Variants in ARHGAP24 observed in about 807,000 individuals in gnomAD.
ARHGAP24 encodes the protein Rho GTPase activating protein 24.
ARHGAP24 carries 50 observed loss-of-function variants against 76.4 expected under a neutral mutation model. The ratio of observed to expected loss-of-function variants is 0.65; its 90% CI spans 0.52 to 0.83. The LOEUF is 0.83. Ranked by LOEUF, ARHGAP24 falls within the 40% of genes least tolerant of loss-of-function variation. The pLI, the probability that ARHGAP24 is intolerant of heterozygous loss-of-function variation, is 0.00. For synonymous variants in ARHGAP24, 345 were observed against 323.3 expected (o/e 1.07, Z -0.72); for missense variants, 930 against 914.2 (o/e 1.02, Z -0.22).
At chr4:85,963,433 A>C (rs558488966) in intron 5 of ARHGAP24, among the ~76,000 whole-genome samples, 2 of 152,074 alleles carry the variant, frequency 1.3e-5, no homozygotes, top group Non-Finnish European at 2.9e-5. Context: ...TAAGGTTTTA[A>C]TTAGGTTTTG....
At chr4:85,993,931 A>C (rs996735822) in intron 8 of ARHGAP24, among the ~76,000 whole-genome samples, 1 of 152,192 alleles carries the variant, frequency 6.6e-6, no homozygotes, top group African/African-American at 2.4e-5. Flanking sequence ...GATTTTTGCT[A>C]GTTGCTTATA....
rs1333998454 is a variant in ARHGAP24, at chr4:85,755,621, C to CTTTTTT, written c.268+33653_268+33654insTTTTTT. On this transcript the variant is annotated intron_variant, in intron 3 of 9. Coordinates refer to ENST00000395184, the MANE Select transcript of ARHGAP24 (RefSeq NM_001025616.3). ...TCTTGTTCTATGGGAAGCTTCTATT[C>CTTTTTT]TTTTGTTTTGTTTTGTTTTGTTTTG... 2.2e-3 allele frequency among the ~76,000 whole-genome samples: 47 copies of CTTTTTT among 21,264 alleles called. 3 individuals are homozygous for CTTTTTT. The Non-Finnish European group carries it at 0.037, about 17-fold the overall frequency. The allele number at this position is 21,264 out of a possible 152,430, so 14.0% of individuals were successfully genotyped here.
intron 3 of ARHGAP24, among the ~76,000 whole-genome samples, chr4:85,912,525 T>G (rs563820850): frequency 6.6e-6 from 1 of 152,334 alleles, no homozygotes; most frequent in East Asian, 1.9e-4. Flanking sequence ...AGCTGTCATT[T>G]GCTGGGTGGA....
intron 3 of ARHGAP24, among the ~76,000 whole-genome samples, chr4:85,769,582 A>G (rs963722396): frequency 1.1e-4 from 16 of 152,034 alleles, no homozygotes; most frequent in African/African-American, 3.9e-4. Flanking sequence ...TGATATCTCG[A>G]TGGATACACA....
At chr4:85,643,234 G>GTGGT (rs1721592505) in intron 2 of ARHGAP24, among the ~76,000 whole-genome samples, 1 of 54,610 alleles carries the variant, frequency 1.8e-5, no homozygotes, top group African/African-American at 5.9e-5. Flanking sequence ...GTTTTTTTGT[G>GTGGT]TTTTTTTTTT....
chr4:85,564,969 T>TATATATATAC (rs1553914961), intron 1 of ARHGAP24, among the ~76,000 whole-genome samples: 3 of 105,364 alleles, frequency 2.8e-5, no homozygotes, highest in Non-Finnish European at 3.9e-5. Flanking sequence ...TATATATATA[T>TATATATATAC]ACCCACACCC....
chr4:85,888,235 T>A (rs1394457957), intron 3 of ARHGAP24, among the ~76,000 whole-genome samples: 3 of 151,974 alleles, frequency 2.0e-5, no homozygotes, highest in Non-Finnish European at 2.9e-5. Flanking sequence ...ACCCCATTTC[T>A]ACTAAAAATA....
intron 3 of ARHGAP24, among the ~76,000 whole-genome samples, chr4:85,840,017 C>CTTT (rs70948759): frequency 2.2e-4 from 25 of 116,046 alleles, no homozygotes; most frequent in Non-Finnish European, 3.0e-4. Context: ...GCCTGGCTAA[C>CTTT]TTTTTTTTTT....
chr4:85,656,935 T>C (rs1337641413), intron 2 of ARHGAP24, among the ~76,000 whole-genome samples: 2 of 144,298 alleles, frequency 1.4e-5, no homozygotes, highest in Non-Finnish European at 3.0e-5. Flanking sequence ...TATTCTTGGC[T>C]GGAGTGTAAG....
chr4:85,991,914 T>G, intron 8 of ARHGAP24: 1 of 378,024 alleles, frequency 2.6e-6, no homozygotes, highest in Non-Finnish European at 4.7e-6. Context: ...ATTTTTGCAT[T>G]TACATATTAT....
intron 3 of ARHGAP24, among the ~76,000 whole-genome samples, chr4:85,854,441 T>C (rs1007074974): frequency 1.3e-5 from 2 of 152,202 alleles, no homozygotes; most frequent in African/African-American, 4.8e-5. Flanking sequence ...GACTAGCACA[T>C]TGTCAATTTG....
At chr4:85,560,918 T>G (rs1254442136) in intron 1 of ARHGAP24, among the ~76,000 whole-genome samples, 1 of 152,214 alleles carries the variant, frequency 6.6e-6, no homozygotes, top group Non-Finnish European at 1.5e-5. Flanking sequence ...TGTACAGTAC[T>G]CAGGATCTTT....
rs1049808455 is a variant in ARHGAP24 at position 85,497,927 on chromosome 4, G to T, written c.-21+22368G>T. On this transcript the variant is annotated intron_variant, in intron 1 of 9. Transcript: ENST00000395184. ...CTTTGAACACACGGCAGTTTTGCCA[G>T]GTTTGGGTCTCCCTCGGTGTTCAAT... is the stretch of plus-strand genomic sequence containing the variant. 2.0e-5 allele frequency among the ~76,000 whole-genome samples: 3 copies of T among 152,200 alleles called. No individual in the cohort carries two copies. In the East Asian group the frequency reaches 5.8e-4, roughly 29 times the overall value.
At chr4:85,698,421 G>A (rs569038278) in intron 2 of ARHGAP24, among the ~76,000 whole-genome samples, 1 of 152,210 alleles carries the variant, frequency 6.6e-6, no homozygotes, top group Admixed American at 6.5e-5. Context: ...ATGATTTTGT[G>A]GGATTCTTTG....
chr4:85,960,968 A>G (rs989342857), intron 5 of ARHGAP24, among the ~76,000 whole-genome samples: 2 of 152,154 alleles, frequency 1.3e-5, no homozygotes, highest in African/African-American at 4.8e-5. Context: ...CAAAGCAATA[A>G]TAACAAGAAC....
At chr4:85,748,046 G>A (rs1051550073) in intron 3 of ARHGAP24, among the ~76,000 whole-genome samples, 4 of 152,238 alleles carry the variant, frequency 2.6e-5, no homozygotes, top group African/African-American at 9.6e-5. Context: ...TTAGTTGACA[G>A]ATACAAAATA....
intron 3 of ARHGAP24, among the ~76,000 whole-genome samples, chr4:85,734,618 C>T (rs1490338580): frequency 1.4e-5 from 2 of 143,628 alleles, no homozygotes; most frequent in East Asian, 2.1e-4. Context: ...AGTGCAGGGG[C>T]ATGACATAAT....
intron 1 of ARHGAP24, among the ~76,000 whole-genome samples, chr4:85,515,111 A>G (rs1372977711): frequency 6.6e-6 from 1 of 152,152 alleles, no homozygotes; most frequent in Non-Finnish European, 1.5e-5. Context: ...AATCCTTAGA[A>G]TAGAAAGCTG....
chr4:85,635,327 C>T (rs1721282253), intron 2 of ARHGAP24, among the ~76,000 whole-genome samples: 1 of 151,744 alleles, frequency 6.6e-6, no homozygotes, highest in Admixed American at 6.6e-5. Context: ...CCAACCTCTC[C>T]ATTACCTGGT....
Sources: allele counts gnomAD v4.1 joint callset (sites outside exome capture counted in the v4.1 genomes callset), GRCh38; gene constraint gnomAD v4.1.1; transcripts MANE v1.5; gene names NCBI Gene and HGNC (gene_info 2026-07-23, HGNC 2026-07-21).